The following NLRP2 variants were observed in gnomAD, a reference collection of about 807,000 sequenced individuals.
NLRP2 encodes NLR family pyrin domain containing 2.
NLRP2 carries 107 observed loss-of-function variants against 97.2 expected under a neutral mutation model. That is an observed-to-expected ratio of 1.10 (90% CI 0.94 to 1.29). The LOEUF is 1.29. Among genes scored for constraint, NLRP2 ranks in the 50% most tolerant of loss-of-function variants. NLRP2 has a pLI of 0.00. For synonymous variants in NLRP2, 663 were observed against 551.5 expected (o/e 1.20, Z -2.83); for missense variants, 1,495 against 1,330.3 (o/e 1.12, Z -1.93).
intron 1 of NLRP2, among the ~76,000 whole-genome samples, chr19:54,968,496 T>A (rs2070622702): frequency 6.6e-6 from 1 of 151,092 alleles, no homozygotes; most frequent in Admixed American, 6.7e-5. Flanking sequence ...AGCACAATTT[T>A]TTTTTTTTTT....
chr19:54,976,703 G>C (rs763141733), intron 3 of NLRP2, among the ~76,000 whole-genome samples: 2 of 151,476 alleles, frequency 1.3e-5, no homozygotes, highest in Admixed American at 1.3e-4. Context: ...TCACATGCCC[G>C]TGTCCAGTTC....
At chr19:54,975,106 G>GTTGTTTTTTTTTTTTT (rs2071120505) in intron 3 of NLRP2, among the ~76,000 whole-genome samples, 1 of 58,674 alleles carries the variant, frequency 1.7e-5, no homozygotes, top group East Asian at 5.0e-4. Flanking sequence ...ACCCGGTTTT[G>GTTGTTTTTTTTTTTTT]TTTTTTTTTT....
chr19:54,997,544 G>A, intron 12 of NLRP2, 57 bp downstream of exon 12: 1 of 1,575,892 alleles, frequency 6.3e-7, no homozygotes, highest in Non-Finnish European at 8.7e-7. Context: ...TTTAGGGGAA[G>A]CATAATGACA....
Position 55,000,876 on chromosome 19 carries a change from C to T in NLRP2, c.3167C>T (p.Ser1056Phe), listed in dbSNP as rs2073152533. ...CATCATCCCTGGGCAGAAAGGCCTT[C>T]TTCTCATGACTTCATGATCTGAATC... ...EKHHPWAERP[S>F]SHDFMI The change falls in exon 13 of 13, where the codon TCT becomes TTT. Residue 1056 changes from serine to phenylalanine, a missense_variant. Ser to Phe is a radical substitution (Grantham distance 155, BLOSUM62 -2). Transcript: ENST00000448584. The T allele has an allele frequency of 1.2e-6, 2 of 1,613,574 alleles. No individual in the cohort carries two copies. Among genetic ancestry groups the T allele is most frequent in the Admixed American group, 1.7e-5 (1 of 59,978 alleles).
chr19:54,975,106 G>GTTTTTTTTTGTTTTT (rs2071121739), intron 3 of NLRP2, among the ~76,000 whole-genome samples: 1 of 58,674 alleles, frequency 1.7e-5, no homozygotes, highest in East Asian at 5.0e-4. Flanking sequence ...ACCCGGTTTT[G>GTTTTTTTTTGTTTTT]TTTTTTTTTT....
Position 54,997,466 on chromosome 19 carries a change from G to T in NLRP2, c.3029G>T (p.Ser1010Ile), listed in dbSNP as rs774901067. Residue 1010 changes from serine (S) to isoleucine (I), a missense_variant, in exon 12 of 13, where the codon AGT becomes ATT. Coordinates refer to ENST00000448584, the MANE Select transcript of NLRP2 (RefSeq NM_017852.5). ...CTGTTTGAAACCTTGACATGTTCCAGTGGCACCCTCCGGACACTCAGGTAT... is the reference window on the plus strand; with the variant it reads ...CTGTTTGAAACCTTGACATGTTCCATTGGCACCCTCCGGACACTCAGGTAT... ...KMLFETLTCS[S>I]GTLRTLRLKI... 2 of 1,614,178 alleles carry T rather than the reference G, an allele frequency of 1.2e-6. No individual in the cohort carries two copies. The highest frequency in any genetic ancestry group is 1.7e-5 in the Admixed American group (1 of 60,016).
intron 12 of NLRP2, among the ~76,000 whole-genome samples, chr19:55,000,513 C>T (rs577378721): frequency 6.0e-5 from 9 of 150,124 alleles, no homozygotes; most frequent in East Asian, 2.0e-4. Flanking sequence ...CTGCTGACCT[C>T]GTGATCCACC....
At position 54,982,874 on chromosome 19, in the gene NLRP2, C is replaced by T; in HGVS notation, c.1176C>T (p.Phe392=). 1 of 1,613,080 alleles carries T rather than the reference C, an allele frequency of 6.2e-7. No homozygotes were observed. The highest frequency in any genetic ancestry group is 8.5e-7 in the Non-Finnish European group (1 of 1,179,982). Reference sequence around the variant, plus strand: ...TAATGAGGAGCAACGCGGCCCTGTTCCAGCTGGGCTCGGCCCCCGCGGTGT... The same window carrying T: ...TAATGAGGAGCAACGCGGCCCTGTTTCAGCTGGGCTCGGCCCCCGCGGTGT... ...FELMRSNAAL[F]QLGSAPAVCW... Residue 392 remains phenylalanine (F), a synonymous_variant, in exon 6 of 13, where the codon TTC becomes TTT. Transcript: ENST00000448584.
rs140382724 is a variant in NLRP2, at chr19:54,994,703, C to T, written c.2879+264C>T. Among the ~76,000 whole-genome samples, 1,230 of 151,856 alleles carry T rather than the reference C, an allele frequency of 8.1e-3. 25 individuals are homozygous for T. The highest frequency in any genetic ancestry group is 0.028 in the African/African-American group (1,139 of 41,404). ...TTGGCTCACTGCAACCTCCGCCTCC[C>T]AGGTTCAAGCAATTCTCTTGCTTCA... On this transcript the variant is annotated intron_variant, in intron 11 of 12. Transcript: ENST00000448584.
chr19:54,974,696 T>C, intron 3 of NLRP2, 152 bp downstream of exon 3: 1 of 668,996 alleles, frequency 1.5e-6, no homozygotes, highest in Non-Finnish European at 2.7e-6. Context: ...CGCAGGTGCG[T>C]AGCAGTAAGA....
intron 10 of NLRP2, among the ~76,000 whole-genome samples, chr19:54,992,265 C>G (rs1367341632): frequency 6.6e-6 from 1 of 152,072 alleles, no homozygotes; most frequent in African/African-American, 2.4e-5. Context: ...CAGTTAGGAA[C>G]TGTCCTCTTC....
chr19:54,967,221 G>A (rs546050181), intron 1 of NLRP2, among the ~76,000 whole-genome samples: 5 of 152,126 alleles, frequency 3.3e-5, no homozygotes, highest in African/African-American at 1.2e-4. Flanking sequence ...AGTGGCTCAC[G>A]CCTGTAATCG....
At chr19:54,976,786 T>TA (rs2071256083) in intron 3 of NLRP2, 1 of 431,308 alleles carries the variant, frequency 2.3e-6, no homozygotes, top group Non-Finnish European at 4.5e-6. Flanking sequence ...CAGATATTGT[T>TA]ATTAGGATTC....
At chr19:54,984,337 T>TTTG (rs1568505392) in intron 6 of NLRP2, among the ~76,000 whole-genome samples, 4 of 115,416 alleles carry the variant, frequency 3.5e-5, no homozygotes, top group Non-Finnish European at 5.0e-5. Flanking sequence ...GTGTTTTTTT[T>TTTG]TTTTTTTTTT....
At position 54,990,364 on chromosome 19, in the gene NLRP2, C is replaced by T; in HGVS notation, c.2538-138C>T. Reference sequence around the variant, plus strand: ...TTTTGTTCTTCTCTCATTCCTATTCCTTCATAGGATCACCAGTGCATGATA... The same window carrying T: ...TTTTGTTCTTCTCTCATTCCTATTCTTTCATAGGATCACCAGTGCATGATA... On this transcript the variant is annotated intron_variant, in intron 9 of 12. Coordinates refer to ENST00000448584, the MANE Select transcript of NLRP2 (RefSeq NM_017852.5). The T allele has an allele frequency of 6.3e-6, 7 of 1,110,946 alleles. No individual in the cohort carries two copies. The South Asian group carries it at 8.9e-5, about 14-fold the overall frequency. 68.8% of individuals were successfully genotyped at this position (1,110,946 alleles called of 1,614,324 possible). A position where few individuals can be genotyped will look rare whatever the true frequency, so the allele number is the denominator to read the frequency against.
intron 8 of NLRP2, among the ~76,000 whole-genome samples, chr19:54,987,916 G>A (rs1432261201): frequency 6.6e-6 from 1 of 152,036 alleles, no homozygotes; most frequent in Non-Finnish European, 1.5e-5. Flanking sequence ...GGTGGCGCGT[G>A]CCTGTAATCC....
chr19:54,997,369 C>T lies in NLRP2; in HGVS notation c.2932C>T (p.Leu978Phe), dbSNP rs1568543269. 24 of 1,614,016 alleles carry T rather than the reference C, an allele frequency of 1.5e-5. No homozygotes were observed. The highest frequency in any genetic ancestry group is 1.9e-5 in the Non-Finnish European group (23 of 1,180,022). ...PFSCEDLCSA[L>F]SCNQSLVTLD... ...CAGTTGTGAAGACCTCTGCTCTGCC[C>T]TCAGCTGCAACCAGAGCCTCGTCAC... is the stretch of plus-strand genomic sequence containing the variant. The change falls in exon 12 of 13, where the codon CTC (leucine) becomes TTC (phenylalanine). Residue 978 changes from leucine (L) to phenylalanine (F), a missense_variant. Transcript: ENST00000448584.
At chr19:54,974,467 A>C in intron 2 of NLRP2, 33 bp from the exon 3 acceptor site, 1 of 1,586,688 alleles carries the variant, frequency 6.3e-7, no homozygotes, top group Non-Finnish European at 8.7e-7. Flanking sequence ...CTTATGGTAA[A>C]ATGCAAAATT....
chr19:54,972,147 G>A (rs1376481368), intron 2 of NLRP2, among the ~76,000 whole-genome samples: 5 of 149,724 alleles, frequency 3.3e-5, no homozygotes, highest in Admixed American at 3.3e-4. Flanking sequence ...CAGCCAGCAA[G>A]TGCATTTAGA....
Sources: allele counts gnomAD v4.1 joint callset (sites outside exome capture counted in the v4.1 genomes callset), GRCh38; gene constraint gnomAD v4.1.1; transcripts MANE v1.5; gene names NCBI Gene and HGNC (gene_info 2026-07-23, HGNC 2026-07-21).